ASXL2: variants seen among roughly 807,000 people sequenced by gnomAD.
ASXL2 encodes putative Polycomb group protein ASXL2.
Under a neutral mutation model 122.0 loss-of-function variants are expected in ASXL2, and 23 were observed. That is an observed-to-expected ratio of 0.19 (90% CI 0.14 to 0.27). The LOEUF (loss-of-function observed/expected upper bound fraction) is 0.27. Among genes scored for constraint, ASXL2 ranks in the 10% least tolerant of loss-of-function variants. The probability of loss-of-function intolerance (pLI) is 1.00; values close to 1 mark genes in which losing one functional copy is unlikely to be tolerated. For synonymous variants in ASXL2, 650 were observed against 637.0 expected, an observed-to-expected ratio of 1.02 and a Z score of -0.31; for missense variants, 1,518 against 1,713.8, an observed-to-expected ratio of 0.89 and a Z score of 2.02.
Position 25,742,440 on chromosome 2 carries a change from G to A in ASXL2, c.3897C>T (p.Asp1299=). Residue 1299 remains aspartate (D), a synonymous_variant, in exon 13 of 13, where the codon GAC becomes GAT. Transcript: ENST00000435504. ...FSSTVLPLPA[D]SPTHQPLLLP... Reference sequence around the variant, plus strand: ...GGAGTAGGGGCTGGTGGGTGGGGCTGTCTGCAGGCAGAGGAAGAACAGTAG... The same window carrying A: ...GGAGTAGGGGCTGGTGGGTGGGGCTATCTGCAGGCAGAGGAAGAACAGTAG... 6.2e-7 allele frequency: 1 copy of A among 1,611,108 alleles called. No homozygotes were observed. The highest frequency in any genetic ancestry group is 8.5e-7 in the Non-Finnish European group (1 of 1,178,528).
chr2:25,758,630 T>G (rs1001925990), intron 9 of ASXL2, among the ~76,000 whole-genome samples: 4 of 151,874 alleles, frequency 2.6e-5, no homozygotes, highest in African/African-American at 9.7e-5. Context: ...AGCTCTCTGG[T>G]CCCTGCCTTG....
In ASXL2 at chr2:25,750,403, T is replaced by C. The variant is rs2088025486; in HGVS notation, c.1153A>G (p.Ser385Gly). ...GTCAATTTCTTAGAATCTTCAAGGC[T>C]CAGGCCAGAACTAAAAAGGGGAAAA... ...ESYYGQSSGL[S>G]LEDSKKLTAS... The change falls in exon 12 of 13, where the codon AGC becomes GGC. Residue 385 changes from serine (S) to glycine (G), a missense_variant. Physicochemically the swap from Ser to Gly is moderately conservative, Grantham distance 56. Transcript: ENST00000435504. The C allele has an allele frequency of 6.3e-7, 1 of 1,592,426 alleles. No homozygotes were observed. The highest frequency in any genetic ancestry group is 1.9e-5 in the Admixed American group (1 of 53,568).
At chr2:25,763,877 AC>A (rs2088295250) in intron 8 of ASXL2, among the ~76,000 whole-genome samples, 1 of 152,170 alleles carries the variant, frequency 6.6e-6, no homozygotes, top group Admixed American at 6.6e-5. Context: ...GTTGTTCATC[AC>A]AATGCCACAC....
chr2:25,875,309 T>C (rs1375015089), intron 1 of ASXL2, among the ~76,000 whole-genome samples: 1 of 151,944 alleles, frequency 6.6e-6, no homozygotes, highest in Middle Eastern at 3.2e-3. Context: ...TACTATTATA[T>C]AATAATTATG....
chr2:25,778,666 A>G (rs1309403432), intron 5 of ASXL2, among the ~76,000 whole-genome samples: 1 of 152,222 alleles, frequency 6.6e-6, no homozygotes, highest in Non-Finnish European at 1.5e-5. Context: ...ATATATACTT[A>G]GCACCCAAAT....
rs369820850 is a variant in ASXL2, at chr2:25,753,449, T to C, written c.1142+85A>G. ...AACAGAAGGAAACTGGGGCCTAGAT[T>C]TTCTGAGAAGGTAATGAGATAAAGC... On this transcript the variant is annotated intron_variant, in intron 11 of 12. Coordinates refer to ENST00000435504, the MANE Select transcript of ASXL2 (RefSeq NM_018263.6). 16 of 926,486 alleles carry C rather than the reference T, an allele frequency of 1.7e-5. No homozygotes were observed. In the South Asian group the frequency reaches 3.6e-4, roughly 21 times the overall value. The allele number at this position is 926,486 out of a possible 1,614,324, so 57.4% of individuals were successfully genotyped here.
chr2:25,841,102 G>A (rs1403187741), intron 2 of ASXL2, among the ~76,000 whole-genome samples: 3 of 147,220 alleles, frequency 2.0e-5, no homozygotes, highest in Non-Finnish European at 4.5e-5. Context: ...GTTTGAGACC[G>A]GCCTGGATGG....
chr2:25,846,709 G>A (rs780523306), intron 1 of ASXL2, among the ~76,000 whole-genome samples: 6 of 152,056 alleles, frequency 3.9e-5, no homozygotes, highest in Non-Finnish European at 5.9e-5. Context: ...TTAGCTACTC[G>A]GGAGGCCGAG....
intron 5 of ASXL2, among the ~76,000 whole-genome samples, chr2:25,787,627 A>G (rs1419116455): frequency 1.3e-5 from 2 of 152,220 alleles, no homozygotes; most frequent in Non-Finnish European, 2.9e-5. Flanking sequence ...ACACAATTAT[A>G]AAGTAAAAAA....
chr2:25,806,461 A>G, intron 3 of ASXL2, 124 bp from the exon 4 acceptor site: 4 of 584,952 alleles, frequency 6.8e-6, no homozygotes, highest in Non-Finnish European at 1.2e-5. Flanking sequence ...ATATCTTATA[A>G]ACTATAAGAA....
chr2:25,869,963 G>A (rs924112514), intron 1 of ASXL2, among the ~76,000 whole-genome samples: 17 of 151,742 alleles, frequency 1.1e-4, no homozygotes, highest in Middle Eastern at 3.2e-3. Context: ...TTAGCCTGGC[G>A]TGGTGATGCA....
chr2:25,784,279 G>A (rs1352820767), intron 5 of ASXL2, among the ~76,000 whole-genome samples: 1 of 151,876 alleles, frequency 6.6e-6, no homozygotes, highest in African/African-American at 2.4e-5. Context: ...TAAGAAAGTA[G>A]GTGGCACCAA....
In ASXL2 at chr2:25,749,761, C is replaced by T. The variant is rs758960085; in HGVS notation, c.1795G>A (p.Val599Ile). 4 of 1,589,532 alleles carry T rather than the reference C, an allele frequency of 2.5e-6. No homozygotes were observed. The highest frequency in any genetic ancestry group is 3.4e-6 in the Non-Finnish European group (4 of 1,171,860). ...CTATTGAGAAAGGGCTGTGGTGAGA[C>T]CTGAAATGGCTGCTGGTGCTGGCGA... ...ENRQHQQPFQ[V>I]SPQPFLNRGD... Residue 599 changes from valine to isoleucine, a missense_variant, in exon 12 of 13, where the codon GTC (valine) becomes ATC (isoleucine). Physicochemically the swap from Val to Ile is conservative, Grantham distance 29. Transcript: ENST00000435504.
chr2:25,736,774 GTCA>G lies in ASXL2; in HGVS notation c.*5252_*5254del, dbSNP rs1357408606. Reference sequence around the variant, plus strand: ...CTACAATAAAAAGTCAGTTTTATGGGTCATCAAGATACACTCTCGAAAATCTGA... The same window carrying G: ...CTACAATAAAAAGTCAGTTTTATGGGTCAAGATACACTCTCGAAAATCTGA... On this transcript the variant is annotated 3_prime_UTR_variant, in exon 13 of 13. Coordinates refer to ENST00000435504, the MANE Select transcript of ASXL2 (RefSeq NM_018263.6). 1 of 152,076 alleles carries G rather than the reference GTCA, an allele frequency of 6.6e-6. No individual in the cohort carries two copies. The highest frequency in any genetic ancestry group is 1.9e-4 in the East Asian group (1 of 5,200). 9.4% of individuals were successfully genotyped at this position (152,076 alleles called of 1,614,324 possible). A position where few individuals can be genotyped will look rare whatever the true frequency, so the allele number is the denominator to read the frequency against.
At chr2:25,839,827 A>T (rs2089556440) in intron 2 of ASXL2, among the ~76,000 whole-genome samples, 2 of 151,238 alleles carry the variant, frequency 1.3e-5, no homozygotes, top group South Asian at 4.2e-4. Context: ...GGTACTAATA[A>T]TACCTCATAT....
chr2:25,792,730 C>T (rs980810182), intron 5 of ASXL2, among the ~76,000 whole-genome samples: 7 of 151,476 alleles, frequency 4.6e-5, no homozygotes, highest in African/African-American at 1.2e-4. Flanking sequence ...CTCAGCCTCC[C>T]GAGTAGCTGG....
chr2:25,758,485 G>A (rs1231287041), intron 9 of ASXL2, among the ~76,000 whole-genome samples: 2 of 152,228 alleles, frequency 1.3e-5, no homozygotes, highest in East Asian at 3.9e-4. Context: ...TTAAAAAATT[G>A]TAATTGTTCT....
chr2:25,866,617 GTCCCCCACA>G (rs939620717), intron 1 of ASXL2, among the ~76,000 whole-genome samples: 1 of 152,120 alleles, frequency 6.6e-6, no homozygotes, highest in Non-Finnish European at 1.5e-5. Flanking sequence ...TGCCCCTCTT[GTCCCCCACA>G]TCTGTTCTCA....
chr2:25,742,583 T>C lies in ASXL2; in HGVS notation c.3754A>G (p.Arg1252Gly). 1.2e-6 allele frequency: 2 copies of C among 1,614,044 alleles called. No homozygotes were observed. Among genetic ancestry groups the C allele is most frequent in the Non-Finnish European group, 1.7e-6 (2 of 1,179,902 alleles). Reference sequence around the variant, plus strand: ...GTCTTTTCATCAAATGTTTGGCCTCTAGTGAACAGGTAATTCTCCTTACTT... The same window carrying C: ...GTCTTTTCATCAAATGTTTGGCCTCCAGTGAACAGGTAATTCTCCTTACTT... ...TLSKENYLFT[R>G]GQTFDEKTLA... The change falls in exon 13 of 13, where the codon AGA becomes GGA. Residue 1252 changes from arginine to glycine, a missense_variant. Physicochemically the swap from Arg to Gly is moderately radical, Grantham distance 125 (BLOSUM62 -2). Coordinates refer to ENST00000435504, the MANE Select transcript of ASXL2 (RefSeq NM_018263.6).
Sources: gnomAD v4.1 joint callset for allele counts (sites outside exome capture counted in the v4.1 genomes callset) on GRCh38, gnomAD v4.1.1 for gene constraint, MANE v1.5 for transcripts, NCBI Gene and HGNC (gene_info 2026-07-23, HGNC 2026-07-21) for gene names.